Variants in ZNF713 observed in about 807,000 individuals in gnomAD.
ZNF713 encodes zinc finger protein 713.
In ZNF713, 21 loss-of-function variants were observed where a neutral mutation model predicts 28.7. That is an observed-to-expected ratio of 0.73 (90% confidence interval 0.52 to 1.05). The LOEUF (loss-of-function observed/expected upper bound fraction) is 1.05, where lower values mean the gene tolerates loss of function less well. ZNF713 is among the 50% of genes least tolerant of loss of function. The pLI is 0.00. For synonymous variants in ZNF713, 167 were observed against 178.0 expected, an observed-to-expected ratio of 0.94 and a Z score of 0.49; for missense variants, 458 against 532.4, an observed-to-expected ratio of 0.86 and a Z score of 1.37.
chr7:55,935,402 G>A (rs906291036), intron 6 of ZNF713, among the ~76,000 whole-genome samples: 1 of 151,898 alleles, frequency 6.6e-6, no homozygotes, highest in African/African-American at 2.4e-5. Flanking sequence ...AAAGAATATT[G>A]TTAAGTAATG....
chr7:55,898,799 T>C (rs143100485), intron 1 of ZNF713, among the ~76,000 whole-genome samples: 6 of 151,416 alleles, frequency 4.0e-5, no homozygotes, highest in African/African-American at 1.5e-4. Flanking sequence ...AAATTCAAAA[T>C]TTCCCATTTA....
At chr7:55,935,368 C>T (rs540056146) in intron 6 of ZNF713, among the ~76,000 whole-genome samples, 1 of 150,476 alleles carries the variant, frequency 6.6e-6, no homozygotes, top group South Asian at 2.1e-4. Flanking sequence ...TGAAGTAGAC[C>T]TATATATATA....
chr7:55,892,567 A>AAC (rs1554335057), intron 1 of ZNF713, among the ~76,000 whole-genome samples: 4 of 149,912 alleles, frequency 2.7e-5, no homozygotes, highest in Non-Finnish European at 4.5e-5. Flanking sequence ...AAAAAAAAAA[A>AAC]AAAAAAAAAA....
intron 2 of ZNF713, among the ~76,000 whole-genome samples, chr7:55,910,139 G>T (rs1284961264): frequency 1.3e-5 from 2 of 151,884 alleles, no homozygotes; most frequent in Non-Finnish European, 2.9e-5. Flanking sequence ...GGGATTATAG[G>T]CATGAGCCAC....
chr7:55,892,397 T>C (rs754382002), intron 1 of ZNF713, among the ~76,000 whole-genome samples: 21 of 151,136 alleles, frequency 1.4e-4, no homozygotes, highest in Non-Finnish European at 2.5e-4. Flanking sequence ...AATTGGGGAC[T>C]GGTGTAGGGG....
At chr7:55,907,536 GTTTC>G (rs1785703710) in intron 2 of ZNF713, among the ~76,000 whole-genome samples, 1 of 152,132 alleles carries the variant, frequency 6.6e-6, no homozygotes, top group African/African-American at 2.4e-5. Context: ...TGTGGTCTGG[GTTTC>G]TGATGTATGC....
rs562746014 is a variant in ZNF713 at position 55,940,312 on chromosome 7, C to T, written c.*306C>T. 2.7e-4 allele frequency: 134 copies of T among 498,322 alleles called. No homozygotes were observed. Among genetic ancestry groups the T allele is most frequent in the African/African-American group, 2.0e-3 (94 of 48,128 alleles). The allele number at this position is 498,322 out of a possible 1,614,324, so 30.9% of individuals were successfully genotyped here. On this transcript the variant is annotated 3_prime_UTR_variant, in exon 7 of 7. Coordinates refer to ENST00000429591, the MANE Select transcript of ZNF713 (RefSeq NM_182633.3). ...TAATTTTTTGTATTTTTAGTAGAGACGGGGTTTCACCATGTTGGCCAGGCT... is the reference window on the plus strand; with the variant it reads ...TAATTTTTTGTATTTTTAGTAGAGATGGGGTTTCACCATGTTGGCCAGGCT...
chr7:55,923,719 C>T lies in ZNF713; in HGVS notation c.307+20C>T, dbSNP rs768325637. On this transcript the variant is annotated intron_variant, in intron 6 of 6. Coordinates refer to ENST00000429591, the MANE Select transcript of ZNF713 (RefSeq NM_182633.3). Reference sequence around the variant, plus strand: ...ATCCAGGTAAGTGCACACTCTTGGGCACTGCTACTTAATGAGGGAAAACAG... The same window carrying T: ...ATCCAGGTAAGTGCACACTCTTGGGTACTGCTACTTAATGAGGGAAAACAG... 8.1e-6 allele frequency: 13 copies of T among 1,595,622 alleles called. No homozygotes were observed. The highest frequency in any genetic ancestry group is 1.1e-5 in the Non-Finnish European group (13 of 1,165,918).
intron 4 of ZNF713, among the ~76,000 whole-genome samples, 160 bp downstream of exon 4, chr7:55,912,883 T>G (rs1785811070): frequency 6.6e-6 from 1 of 152,256 alleles, no homozygotes; most frequent in Non-Finnish European, 1.5e-5. Flanking sequence ...CATTCACCTA[T>G]GTAGCTCTTT....
intron 1 of ZNF713, among the ~76,000 whole-genome samples, chr7:55,891,900 T>C (rs993468296): frequency 3.3e-5 from 5 of 151,944 alleles, no homozygotes; most frequent in Admixed American, 3.3e-4. Context: ...TAGAAAAAAA[T>C]TAAATCATAG....
rs71015121 is a variant in ZNF713 at position 55,909,196 on chromosome 7, CA to C, written c.-455-2396del. Among the ~76,000 whole-genome samples the C allele has an allele frequency of 7.2e-3, 383 of 53,374 alleles. 1 individual carries two copies. The highest frequency in any genetic ancestry group is 0.018 in the Middle Eastern group (2 of 110). 35.0% of individuals were successfully genotyped at this position (53,374 alleles called of 152,430 possible). On this transcript the variant is annotated intron_variant, in intron 2 of 6. Coordinates refer to ENST00000429591, the MANE Select transcript of ZNF713 (RefSeq NM_182633.3). ...CCTGGTCAACAGAGCAAGACTCCGT[CA>C]AAAAAAAAAAAAAAAAAAAAAAAGA... is the stretch of plus-strand genomic sequence containing the variant.
At position 55,938,975 on chromosome 7, in the gene ZNF713, C is replaced by A; in HGVS notation, c.308-7C>A. On this transcript the variant is annotated splice_region_variant and splice_polypyrimidine_tract_variant and intron_variant, in intron 6 of 6. Transcript: ENST00000429591. ...GAAAGTATTTGTATGTTCTGAATTT[C>A]TTTTAGATGGAGAAAACAGACCCGA... is the stretch of plus-strand genomic sequence containing the variant. 1 of 1,561,628 alleles carries A rather than the reference C, an allele frequency of 6.4e-7. No individual in the cohort carries two copies. The highest frequency in any genetic ancestry group is 1.2e-5 in the South Asian group (1 of 83,898).
chr7:55,904,879 AC>A (rs370009275), intron 1 of ZNF713, among the ~76,000 whole-genome samples: 77 of 152,222 alleles, frequency 5.1e-4, no homozygotes, highest in Middle Eastern at 3.4e-3. Context: ...GGCATGCACC[AC>A]CACACCCGGC....
intron 2 of ZNF713, among the ~76,000 whole-genome samples, chr7:55,910,715 C>T (rs1785769296): frequency 6.6e-6 from 1 of 152,070 alleles, no homozygotes; most frequent in Non-Finnish European, 1.5e-5. Context: ...TAGCTGGTCT[C>T]AAACTCCTGG....
At chr7:55,893,933 G>T (rs559995288) in intron 1 of ZNF713, among the ~76,000 whole-genome samples, 12 of 152,250 alleles carry the variant, frequency 7.9e-5, no homozygotes, top group African/African-American at 2.9e-4. Context: ...TAGTTTCTAA[G>T]CCTACTCTAA....
chr7:55,892,766 G>T (rs1397078368), intron 1 of ZNF713, among the ~76,000 whole-genome samples: 1 of 151,000 alleles, frequency 6.6e-6, no homozygotes, highest in Non-Finnish European at 1.5e-5. Context: ...CAGCTACTCG[G>T]GAGGCTGAAG....
Position 55,939,497 on chromosome 7 carries a change from C to T in ZNF713, c.823C>T (p.Gln275Ter). Residue 275 changes from glutamine (Q) to a stop codon, truncating the protein, a stop_gained, in exon 7 of 7, where the codon CAG (glutamine) becomes TAG (stop). Coordinates refer to ENST00000429591, the MANE Select transcript of ZNF713 (RefSeq NM_182633.3). LOFTEE classifies it high-confidence loss of function. ...CTTCAGCCACACCTCATCTCTTAGC[C>T]AGCCTCAGATGTTGCTTACAGGAGA... ...KAFSHTSSLS[Q>*]PQMLLTGEKP... 1.9e-6 allele frequency: 3 copies of T among 1,614,080 alleles called. No individual in the cohort carries two copies. The highest frequency in any genetic ancestry group is 2.5e-6 in the Non-Finnish European group (3 of 1,180,018).
intron 4 of ZNF713, among the ~76,000 whole-genome samples, chr7:55,919,932 G>A (rs1161279615): frequency 1.3e-5 from 2 of 151,902 alleles, no homozygotes; most frequent in African/African-American, 4.8e-5. Context: ...TGTTACAAGG[G>A]TATACATGCT....
At chr7:55,921,325 T>C (rs1294223401) in intron 4 of ZNF713, among the ~76,000 whole-genome samples, 1 of 152,190 alleles carries the variant, frequency 6.6e-6, no homozygotes, top group Non-Finnish European at 1.5e-5. Context: ...AGCCCACGGA[T>C]CAAGGAGTAA....
Sources: allele counts gnomAD v4.1 joint callset (sites outside exome capture counted in the v4.1 genomes callset), GRCh38; gene constraint gnomAD v4.1.1; transcripts MANE v1.5; gene names NCBI Gene and HGNC (gene_info 2026-07-23, HGNC 2026-07-21).